GALNT17: variants seen among roughly 807,000 people sequenced by gnomAD.
The protein encoded by GALNT17 is UDP-GalNAc:polypeptide N-acetylgalactosaminyltransferase-like 3.
In GALNT17, 29 loss-of-function variants were observed where a neutral mutation model predicts 63.7. The observed-to-expected ratio is 0.46, with a 90% CI of 0.34 to 0.62. The LOEUF is 0.62. Among genes scored for constraint, GALNT17 ranks in the 20% least tolerant of loss-of-function variants. GALNT17 has a pLI of 0.01. For missense variants in GALNT17, 603 were observed against 799.6 expected (o/e 0.75, Z 2.97); for synonymous variants, 305 against 318.3 (o/e 0.96, Z 0.45).
chr7:71,631,388 C>T (rs1391666153), intron 6 of GALNT17, among the ~76,000 whole-genome samples: 1 of 152,028 alleles, frequency 6.6e-6, no homozygotes, highest in African/African-American at 2.4e-5. Context: ...AGAGGTCTCA[C>T]TATGTTGCCC....
At chr7:71,176,345 G>T (rs1472773748) in intron 1 of GALNT17, among the ~76,000 whole-genome samples, 1 of 152,112 alleles carries the variant, frequency 6.6e-6, no homozygotes, top group African/African-American at 2.4e-5. Flanking sequence ...AAATATTGCT[G>T]TGGCCATTTT....
chr7:71,192,206 C>T (rs1158286476), intron 1 of GALNT17, among the ~76,000 whole-genome samples: 2 of 152,068 alleles, frequency 1.3e-5, no homozygotes, highest in Admixed American at 6.6e-5. Flanking sequence ...TCATTCTAGC[C>T]ACACTGGCAG....
intron 2 of GALNT17, among the ~76,000 whole-genome samples, chr7:71,344,467 C>T (rs1293206996): frequency 6.6e-6 from 1 of 152,030 alleles, no homozygotes; most frequent in Non-Finnish European, 1.5e-5. Context: ...CTGGGAAGTG[C>T]CTCATGTTCT....
chr7:71,448,308 C>A (rs1228073825), intron 5 of GALNT17, among the ~76,000 whole-genome samples: 1 of 151,942 alleles, frequency 6.6e-6, no homozygotes, highest in Non-Finnish European at 1.5e-5. Context: ...CTCAATAGAA[C>A]TTTCCATTTG....
At chr7:71,184,255 G>T (rs1426724468) in intron 1 of GALNT17, among the ~76,000 whole-genome samples, 3 of 152,084 alleles carry the variant, frequency 2.0e-5, no homozygotes, top group Non-Finnish European at 4.4e-5. Flanking sequence ...CATTTCTGTT[G>T]TTCAAGCCAC....
In GALNT17 at chr7:71,508,385, GA is replaced by G. The variant is rs1788299910; in HGVS notation, c.963-62899del. ...TGGCATCCAGATTCCATCATGCAAA[GA>G]TTTGTGGTCTTGTGTTTGTATCTGT... On this transcript the variant is annotated intron_variant, in intron 5 of 10. Transcript: ENST00000333538. Among the ~76,000 whole-genome samples, 4 of 152,312 alleles carry G rather than the reference GA, an allele frequency of 2.6e-5. No homozygotes were observed. In the South Asian group the frequency reaches 8.3e-4, roughly 32 times the overall value.
chr7:71,196,495 C>A (rs1740355501), intron 1 of GALNT17, among the ~76,000 whole-genome samples: 1 of 152,098 alleles, frequency 6.6e-6, no homozygotes, highest in Non-Finnish European at 1.5e-5. Context: ...GCCACGAGTA[C>A]AATGTGCTGA....
At chr7:71,351,265 T>TA (rs1792184706) in intron 2 of GALNT17, among the ~76,000 whole-genome samples, 1 of 152,148 alleles carries the variant, frequency 6.6e-6, no homozygotes, top group Non-Finnish European at 1.5e-5. Context: ...TAGGAACTGA[T>TA]AGCAGATACT....
At position 71,132,973 on chromosome 7, in the gene GALNT17, C is replaced by G. The variant is rs1323746094; in HGVS notation, c.171C>G (p.Ser57Arg). 1 of 1,609,314 alleles carries G rather than the reference C, an allele frequency of 6.2e-7. No homozygotes were observed. Among genetic ancestry groups the G allele is most frequent in the East Asian group, 2.2e-5 (1 of 44,770 alleles). ...CCAACCTCAGCGCGCACAGCGCCAG[C>G]CCCATCCAGGATGCGGTCCTGAAGC... ...EVANLSAHSA[S>R]PIQDAVLKRL... Residue 57 changes from serine to arginine, a missense_variant, in exon 1 of 11, where the codon AGC (serine) becomes AGG (arginine). Coordinates refer to ENST00000333538, the MANE Select transcript of GALNT17 (RefSeq NM_022479.3).
intron 1 of GALNT17, among the ~76,000 whole-genome samples, chr7:71,292,129 C>T (rs1790989672): frequency 6.6e-6 from 1 of 152,194 alleles, no homozygotes; most frequent in African/African-American, 2.4e-5. Context: ...TTTCCCAGTT[C>T]CCCTTCTGCA....
chr7:71,289,717 T>TA (rs1193728025), intron 1 of GALNT17, among the ~76,000 whole-genome samples: 2 of 151,720 alleles, frequency 1.3e-5, no homozygotes, highest in African/African-American at 4.8e-5. Flanking sequence ...CCGTCTCTAC[T>TA]AAAAAAACAA....
At chr7:71,223,532 G>A (rs556452049) in intron 1 of GALNT17, among the ~76,000 whole-genome samples, 10 of 149,996 alleles carry the variant, frequency 6.7e-5, no homozygotes, top group Non-Finnish European at 1.2e-4. Context: ...TTTTTTTTTC[G>A]AGCACTTAAC....
intron 1 of GALNT17, among the ~76,000 whole-genome samples, chr7:71,211,160 T>G (rs1282086538): frequency 2.0e-5 from 3 of 152,186 alleles, no homozygotes; most frequent in Admixed American, 2.0e-4. Context: ...CATCCAAATC[T>G]CAACTTGAAT....
chr7:71,310,455 A>G (rs1044720194), intron 1 of GALNT17, among the ~76,000 whole-genome samples: 1 of 152,232 alleles, frequency 6.6e-6, no homozygotes, highest in Non-Finnish European at 1.5e-5. Context: ...TCATGAGGAC[A>G]TTTAGTATTA....
chr7:71,522,378 G>C (rs1335605858), intron 5 of GALNT17, among the ~76,000 whole-genome samples: 2 of 152,188 alleles, frequency 1.3e-5, no homozygotes, highest in Non-Finnish European at 2.9e-5. Context: ...ATTTACAAAA[G>C]AAATAGGTTT....
At chr7:71,603,571 C>T (rs1029024129) in intron 6 of GALNT17, among the ~76,000 whole-genome samples, 16 of 141,682 alleles carry the variant, frequency 1.1e-4, no homozygotes, top group African/African-American at 4.0e-4. Flanking sequence ...TACTGTGCTA[C>T]GTGCATATGC....
chr7:71,424,204 G>A (rs1036547187), intron 5 of GALNT17, among the ~76,000 whole-genome samples: 18 of 152,190 alleles, frequency 1.2e-4, no homozygotes, highest in African/African-American at 4.1e-4. Flanking sequence ...CTTTAATGGC[G>A]AGTGCTTGAA....
At chr7:71,370,985 A>G (rs568008389) in intron 2 of GALNT17, among the ~76,000 whole-genome samples, 13 of 152,286 alleles carry the variant, frequency 8.5e-5, no homozygotes, top group African/African-American at 3.1e-4. Flanking sequence ...CTTTAGTGGT[A>G]TCTGTATTTG....
intron 3 of GALNT17, among the ~76,000 whole-genome samples, chr7:71,398,300 A>G (rs924218215): frequency 4.0e-5 from 6 of 151,848 alleles, no homozygotes; most frequent in Non-Finnish European, 5.9e-5. Flanking sequence ...TTTCTCTGCT[A>G]TCTTATCTTT....
Sources: gnomAD v4.1 joint callset for allele counts (sites outside exome capture counted in the v4.1 genomes callset) on GRCh38, gnomAD v4.1.1 for gene constraint, MANE v1.5 for transcripts, NCBI Gene and HGNC (gene_info 2026-07-23, HGNC 2026-07-21) for gene names.